TMEM132B: variants seen among roughly 807,000 people sequenced by gnomAD.
TMEM132B encodes the protein transmembrane protein 132B.
TMEM132B carries 18 observed loss-of-function variants against 90.8 expected under a neutral mutation model. The observed-to-expected ratio is 0.20, with a 90% CI of 0.14 to 0.29. The LOEUF is 0.29. Among genes scored for constraint, TMEM132B ranks in the 10% least tolerant of loss-of-function variants. The pLI is 1.00. For synonymous variants in TMEM132B, 504 were observed against 523.3 expected (o/e 0.96, Z 0.50); for missense variants, 1,096 against 1,326.8 (o/e 0.83, Z 2.70).
chr12:125,278,592 T>C (rs192598535), intron 1 of TMEM132B, among the ~76,000 whole-genome samples: 1 of 152,090 alleles, frequency 6.6e-6, no homozygotes, highest in East Asian at 1.9e-4. Context: ...TGGCTAGGTA[T>C]TGAGCATTGA....
rs768995695 is a variant in TMEM132B, at chr12:125,209,851, C to G, written c.67+22985C>G. Reference sequence around the variant, plus strand: ...GTTCCCCAATCCTGATTTCTTTTCTCCTTCACTGGAGATAAATACTGTTAG... The same window carrying G: ...GTTCCCCAATCCTGATTTCTTTTCTGCTTCACTGGAGATAAATACTGTTAG... On this transcript the variant is annotated intron_variant, in intron 1 of 8. Coordinates refer to ENST00000682704, the MANE Select transcript of TMEM132B (RefSeq NM_001366854.1). The surrounding 1 kb of genome is among the most constrained non-coding windows in gnomAD (Gnocchi z 4.4). Among the ~76,000 whole-genome samples, 2 of 152,216 alleles carry G rather than the reference C, an allele frequency of 1.3e-5. No individual in the cohort carries two copies. The highest frequency in any genetic ancestry group is 6.5e-5 in the Admixed American group (1 of 15,288).
At chr12:125,325,558 T>C (rs1876536401) in intron 1 of TMEM132B, among the ~76,000 whole-genome samples, 1 of 152,176 alleles carries the variant, frequency 6.6e-6, no homozygotes, top group South Asian at 2.1e-4. Flanking sequence ...AGATTTGACA[T>C]TTTTGCGGAG....
intron 2 of TMEM132B, among the ~76,000 whole-genome samples, chr12:125,388,148 C>T (rs968456098): frequency 2.0e-5 from 3 of 152,126 alleles, no homozygotes; most frequent in African/African-American, 4.8e-5. Flanking sequence ...CTATTGTCGC[C>T]CGGGTGCTGT....
intron 1 of TMEM132B, among the ~76,000 whole-genome samples, chr12:125,302,887 A>G (rs1875866667): frequency 6.6e-6 from 1 of 152,164 alleles, no homozygotes; most frequent in Non-Finnish European, 1.5e-5. Context: ...ACTTGAGGTT[A>G]GGAGATCGAG....
chr12:125,424,448 G>A (rs866748657), intron 3 of TMEM132B, among the ~76,000 whole-genome samples: 46 of 152,314 alleles, frequency 3.0e-4, no homozygotes, highest in African/African-American at 9.9e-4. Flanking sequence ...TTGCATCGAC[G>A]TAATTTCTGG....
chr12:125,488,561 C>T (rs1882260968), intron 3 of TMEM132B, among the ~76,000 whole-genome samples: 1 of 152,186 alleles, frequency 6.6e-6, no homozygotes, highest in Non-Finnish European at 1.5e-5. Flanking sequence ...CCTGCACAAG[C>T]TCTCTCTTTG....
Position 125,251,159 on chromosome 12 carries a change from G to T in TMEM132B, c.67+64293G>T, listed in dbSNP as rs942584497. ...AGGGCAGAGGTGTCTTCCTGGGCTG[G>T]CCTGAGAGATTAAGGATTTAATGGC... On this transcript the variant is annotated intron_variant, in intron 1 of 8. Coordinates refer to ENST00000682704, the MANE Select transcript of TMEM132B (RefSeq NM_001366854.1). This position sits in a 1 kb window ranked among gnomAD's most constrained non-coding sequence, Gnocchi z 4.4. Among the ~76,000 whole-genome samples the T allele has an allele frequency of 6.6e-6, 1 of 152,186 alleles. No homozygotes were observed. Among genetic ancestry groups the T allele is most frequent in the Non-Finnish European group, 1.5e-5 (1 of 68,034 alleles).
intron 1 of TMEM132B, among the ~76,000 whole-genome samples, chr12:125,262,323 C>T (rs556074066): frequency 2.0e-5 from 3 of 151,180 alleles, no homozygotes; most frequent in Admixed American, 2.0e-4. Context: ...GGATTCAGTC[C>T]AAAGACTGAA....
chr12:125,444,099 A>G (rs117916170), intron 3 of TMEM132B, among the ~76,000 whole-genome samples: 470 of 152,344 alleles, frequency 3.1e-3, no homozygotes, highest in Non-Finnish European at 5.3e-3. Context: ...TCTCATATAC[A>G]TACAAAGAAC....
intron 3 of TMEM132B, among the ~76,000 whole-genome samples, chr12:125,488,553 T>C (rs1593170829): frequency 6.6e-6 from 1 of 152,322 alleles, no homozygotes; most frequent in Middle Eastern, 3.4e-3. Flanking sequence ...GGAACTGCCC[T>C]GCACAAGCTC....
chr12:125,206,379 A>G (rs1468471468), intron 1 of TMEM132B, among the ~76,000 whole-genome samples: 1 of 152,096 alleles, frequency 6.6e-6, no homozygotes. Context: ...GCTGGATTAC[A>G]GGCACGTGCC....
intron 4 of TMEM132B, among the ~76,000 whole-genome samples, chr12:125,527,298 C>T (rs1883505373): frequency 7.4e-6 from 1 of 134,362 alleles, no homozygotes; most frequent in Non-Finnish European, 1.6e-5. Flanking sequence ...ACCCTTCCAT[C>T]CACCCTCCAC....
intron 1 of TMEM132B, among the ~76,000 whole-genome samples, chr12:125,266,413 C>G (rs1379959879): frequency 2.0e-5 from 3 of 152,194 alleles, no homozygotes; most frequent in Admixed American, 6.5e-5. Context: ...CCAGTGGGCA[C>G]TGGGTATTAC....
chr12:125,289,940 G>A (rs1477907499), intron 1 of TMEM132B, among the ~76,000 whole-genome samples: 1 of 152,202 alleles, frequency 6.6e-6, no homozygotes, highest in African/African-American at 2.4e-5. Context: ...TAGTCATGCT[G>A]CTGACATATC....
chr12:125,598,465 T>C (rs775312654), intron 5 of TMEM132B, among the ~76,000 whole-genome samples: 5 of 152,096 alleles, frequency 3.3e-5, no homozygotes, highest in Non-Finnish European at 5.9e-5. Flanking sequence ...TCAGTGTAAA[T>C]CAATATGCCA....
At chr12:125,495,036 C>T in intron 3 of TMEM132B, among the ~76,000 whole-genome samples, 1 of 113,862 alleles carries the variant, frequency 8.8e-6, no homozygotes. Context: ...TGGATGCGTC[C>T]CTCCTCCCCC....
chr12:125,355,364 A>G (rs2136240931), intron 2 of TMEM132B, among the ~76,000 whole-genome samples: 1 of 152,214 alleles, frequency 6.6e-6, no homozygotes, highest in Middle Eastern at 3.4e-3. Context: ...GAGGAGCTGG[A>G]GGCAGGATAG....
At chr12:125,320,386 A>C (rs1876397044) in intron 1 of TMEM132B, among the ~76,000 whole-genome samples, 1 of 152,228 alleles carries the variant, frequency 6.6e-6, no homozygotes, top group Admixed American at 6.5e-5. Context: ...ATTAATTTTT[A>C]TTCTACCATA....
At chr12:125,644,317 TC>T (rs772773887) in intron 6 of TMEM132B, 36 bp downstream of exon 6, 10 of 1,607,320 alleles carry the variant, frequency 6.2e-6, no homozygotes, top group Non-Finnish European at 8.5e-6. Flanking sequence ...GATCCGATTG[TC>T]CTGGAGTCCA....
Sources: gnomAD v4.1 joint callset for allele counts (sites outside exome capture counted in the v4.1 genomes callset) on GRCh38, gnomAD v4.1.1 for gene constraint, Gnocchi (gnomAD v3.1) non-coding constraint, MANE v1.5 for transcripts, NCBI Gene and HGNC (gene_info 2026-07-23, HGNC 2026-07-21) for gene names.